ITPR2: variants seen among roughly 807,000 people sequenced by gnomAD.
The protein encoded by ITPR2 is inositol 1,4,5-trisphosphate receptor type 2, also known as inositol 1,4,5-trisphosphate-gated calcium channel ITPR2.
ITPR2 carries 207 observed loss-of-function variants against 317.1 expected under a neutral mutation model. That is an observed-to-expected ratio of 0.65 (90% CI 0.58 to 0.73). The LOEUF (loss-of-function observed/expected upper bound fraction) is 0.73. ITPR2 is among the 30% of genes least tolerant of loss of function. The pLI, the probability that ITPR2 is intolerant of heterozygous loss-of-function variation, is 0.00. For missense variants in ITPR2, 2,613 were observed against 3,284.0 expected, an observed-to-expected ratio of 0.80 and a Z score of 4.99; for synonymous variants, 1,156 against 1,149.1, an observed-to-expected ratio of 1.01 and a Z score of -0.12.
intron 55 of ITPR2, 31 bp downstream of exon 55, chr12:26,387,403 A>G (rs1271148164): frequency 6.2e-7 from 1 of 1,602,848 alleles, no homozygotes; most frequent in Non-Finnish European, 8.5e-7. Flanking sequence ...GATACAATAT[A>G]GTCACAAATT....
intron 13 of ITPR2, among the ~76,000 whole-genome samples, chr12:26,668,516 G>C (rs1368784707): frequency 6.6e-6 from 1 of 152,114 alleles, no homozygotes; most frequent in Admixed American, 6.6e-5. Context: ...GCATAAAACT[G>C]ATAGAGAAGA....
intron 32 of ITPR2, among the ~76,000 whole-genome samples, chr12:26,592,367 C>T (rs1311010186): frequency 6.6e-6 from 1 of 152,040 alleles, no homozygotes; most frequent in Non-Finnish European, 1.5e-5. Flanking sequence ...CTACAGTCAA[C>T]AATAATTTCT....
chr12:26,621,904 T>C (rs1360194390), intron 25 of ITPR2, among the ~76,000 whole-genome samples: 2 of 152,338 alleles, frequency 1.3e-5, no homozygotes, highest in South Asian at 2.1e-4. Context: ...TTCAGGGCTA[T>C]TGGTGCTCCT....
chr12:26,620,274 T>C (rs1034879196), intron 26 of ITPR2, among the ~76,000 whole-genome samples: 1 of 152,242 alleles, frequency 6.6e-6, no homozygotes, highest in Admixed American at 6.5e-5. Flanking sequence ...CACGTTCCAG[T>C]ATTTTGTCCC....
At chr12:26,588,586 G>A (rs1012741743) in intron 32 of ITPR2, among the ~76,000 whole-genome samples, 2 of 152,080 alleles carry the variant, frequency 1.3e-5, no homozygotes, top group Non-Finnish European at 2.9e-5. Context: ...GTTTCAATGT[G>A]CATATAAATT....
intron 1 of ITPR2, among the ~76,000 whole-genome samples, chr12:26,795,692 G>T (rs975918747): frequency 6.6e-6 from 1 of 152,138 alleles, no homozygotes; most frequent in African/African-American, 2.4e-5. Context: ...ATTATAAAAA[G>T]GGTGGTAGCA....
intron 9 of ITPR2, among the ~76,000 whole-genome samples, chr12:26,697,670 A>G (rs754374935): frequency 1.2e-4 from 18 of 152,110 alleles, no homozygotes; most frequent in Non-Finnish European, 1.9e-4. Context: ...TTAGCTGGGC[A>G]TGGTGGCACG....
chr12:26,350,384 G>A (rs963223132), intron 55 of ITPR2, among the ~76,000 whole-genome samples: 1 of 152,138 alleles, frequency 6.6e-6, no homozygotes, highest in Admixed American at 6.5e-5. Flanking sequence ...AACTTCTGCA[G>A]CGGGCATCCT....
intron 1 of ITPR2, among the ~76,000 whole-genome samples, chr12:26,813,052 T>C (rs540173031): frequency 6.4e-4 from 97 of 152,330 alleles, no homozygotes; most frequent in Non-Finnish European, 1.0e-3. Flanking sequence ...AAAAGCTTAC[T>C]TTGACTTTTC....
At chr12:26,455,801 A>G (rs1158562514) in intron 45 of ITPR2, among the ~76,000 whole-genome samples, 1 of 152,222 alleles carries the variant, frequency 6.6e-6, no homozygotes, top group African/African-American at 2.4e-5. Flanking sequence ...ATAAACATAT[A>G]GGTATATGAA....
At chr12:26,350,669 C>T (rs1195786301) in intron 55 of ITPR2, among the ~76,000 whole-genome samples, 2 of 152,102 alleles carry the variant, frequency 1.3e-5, no homozygotes. Flanking sequence ...ACCCCCCAGA[C>T]AACAGCCTGG....
rs116455284 is a variant in ITPR2 at position 26,531,760 on chromosome 12, T to C, written c.5073+18487A>G. Among the ~76,000 whole-genome samples the C allele has an allele frequency of 5.5e-3, 839 of 152,176 alleles. 9 individuals carry two copies. Among genetic ancestry groups the C allele is most frequent in the African/African-American group, 0.019 (797 of 41,518 alleles). ...AAGTACCCCACCACTTAGAACCTCA[T>C]AGGAAAGATTATACCAACACCAAAA... is the stretch of plus-strand genomic sequence containing the variant. On this transcript the variant is annotated intron_variant, in intron 37 of 56. Coordinates refer to ENST00000381340, the MANE Select transcript of ITPR2 (RefSeq NM_002223.4).
intron 30 of ITPR2, among the ~76,000 whole-genome samples, chr12:26,597,910 A>G (rs1945890833): frequency 6.6e-6 from 1 of 152,188 alleles, no homozygotes; most frequent in East Asian, 1.9e-4. Flanking sequence ...TTATATTTAA[A>G]GTGACAATAT....
At chr12:26,411,240 T>C (rs1312172611) in intron 52 of ITPR2, 80 bp downstream of exon 52, 3 of 878,346 alleles carry the variant, frequency 3.4e-6, no homozygotes, top group Non-Finnish European at 5.5e-6. Context: ...GTAGAGCAAT[T>C]CCCTAAGAGG....
chr12:26,677,652 A>C (rs1260731535), intron 13 of ITPR2, among the ~76,000 whole-genome samples: 1 of 152,214 alleles, frequency 6.6e-6, no homozygotes, highest in Non-Finnish European at 1.5e-5. Flanking sequence ...AATCAACCTT[A>C]AAAATAAATA....
chr12:26,654,146 CG>C lies in ITPR2; in HGVS notation c.2590-21del. 7.4e-7 allele frequency: 1 copy of C among 1,359,950 alleles called. No individual in the cohort carries two copies. 84.2% of individuals were successfully genotyped at this position (1,359,950 alleles called of 1,614,324 possible). On this transcript the variant is annotated intron_variant, in intron 20 of 56. Transcript: ENST00000381340. ...GACCACCTTAATAAAAAAAAAAAAG[CG>C]GGGAGGGGGAGGGTGAAAGAGTGGA...
At chr12:26,669,821 T>G (rs1947711075) in intron 13 of ITPR2, among the ~76,000 whole-genome samples, 1 of 152,234 alleles carries the variant, frequency 6.6e-6, no homozygotes, top group African/African-American at 2.4e-5. Context: ...AGATAGCACC[T>G]GGAAAATCGG....
At chr12:26,480,174 C>G (rs1008420671) in intron 43 of ITPR2, among the ~76,000 whole-genome samples, 7 of 152,296 alleles carry the variant, frequency 4.6e-5, no homozygotes, top group Admixed American at 2.6e-4. Context: ...TAACCCTAAA[C>G]ACAATAATGT....
At chr12:26,475,217 T>A in intron 45 of ITPR2, 79 bp downstream of exon 45, 2 of 1,532,816 alleles carry the variant, frequency 1.3e-6, no homozygotes, top group South Asian at 1.2e-5. Flanking sequence ...GGACCAGAAC[T>A]TGAAAATATG....
Sources: allele counts gnomAD v4.1 joint callset (sites outside exome capture counted in the v4.1 genomes callset), GRCh38; gene constraint gnomAD v4.1.1; transcripts MANE v1.5; gene names NCBI Gene and HGNC (gene_info 2026-07-23, HGNC 2026-07-21).